EFCAB14: variants seen among roughly 807,000 people sequenced by gnomAD.
EFCAB14 encodes the protein EF-hand calcium binding domain 14, also known as EF-hand calcium-binding domain-containing protein 14.
In EFCAB14, 43 loss-of-function variants were observed where a neutral mutation model predicts 56.5. The observed-to-expected ratio is 0.76, with a 90% CI of 0.60 to 0.98. The LOEUF is 0.98. EFCAB14 is among the 50% of genes least tolerant of loss of function. The pLI is 0.00. For synonymous variants in EFCAB14, 235 were observed against 212.9 expected (o/e 1.10, Z -0.90); for missense variants, 538 against 580.3 (o/e 0.93, Z 0.75).
chr1:46,704,383 G>C (rs1440747409), intron 3 of EFCAB14, among the ~76,000 whole-genome samples: 1 of 151,014 alleles, frequency 6.6e-6, no homozygotes, highest in Admixed American at 6.6e-5. Flanking sequence ...ACTGAGGTGG[G>C]AGGATCACTC....
intron 10 of EFCAB14, 71 bp downstream of exon 10, chr1:46,683,229 A>C: frequency 2.0e-6 from 3 of 1,520,930 alleles, no homozygotes; most frequent in Non-Finnish European, 2.7e-6. Flanking sequence ...TATTTTTGAC[A>C]AGTGAAAATA....
At chr1:46,713,533 T>C (rs1677340745) in intron 2 of EFCAB14, among the ~76,000 whole-genome samples, 1 of 152,200 alleles carries the variant, frequency 6.6e-6, no homozygotes, top group South Asian at 2.1e-4. Flanking sequence ...TAGTACTTTA[T>C]TTGCATTCCC....
At chr1:46,705,530 C>G (rs967092965) in intron 3 of EFCAB14, among the ~76,000 whole-genome samples, 2 of 152,074 alleles carry the variant, frequency 1.3e-5, no homozygotes, top group African/African-American at 4.8e-5. Flanking sequence ...CAGGTACTCC[C>G]ACATCACAAA....
In EFCAB14 at chr1:46,708,030, G is replaced by A; in HGVS notation, c.356C>T (p.Ser119Leu). 1.9e-6 allele frequency: 3 copies of A among 1,611,864 alleles called. No individual in the cohort carries two copies. The highest frequency in any genetic ancestry group is 2.5e-6 in the Non-Finnish European group (3 of 1,179,526). The part of the protein sequence containing the change: ...FRTMESNQKS[S>L]FQEIPKLNEE... ...ATTAAGTTTGGGGATTTCTTGGAAT[G>A]AGCTTTTCTGATTAGATTCCACTAA... The change falls in exon 3 of 11, where the codon TCA (serine) becomes TTA (leucine). Residue 119 changes from serine (S) to leucine (L), a missense_variant. Transcript: ENST00000371933.
intron 3 of EFCAB14, among the ~76,000 whole-genome samples, chr1:46,698,571 A>G (rs1677108749): frequency 6.6e-6 from 1 of 152,202 alleles, no homozygotes; most frequent in Non-Finnish European, 1.5e-5. Flanking sequence ...TGAGATCTGA[A>G]TAGTAAGAAA....
intron 4 of EFCAB14, among the ~76,000 whole-genome samples, chr1:46,694,737 C>G (rs992978702): frequency 9.9e-5 from 15 of 152,080 alleles, no homozygotes; most frequent in African/African-American, 3.6e-4. Context: ...GGTATATACC[C>G]AAAGGATTAT....
chr1:46,688,565 G>A (rs1288866713), intron 6 of EFCAB14, 21 bp from the exon 7 acceptor site: 1 of 1,605,062 alleles, frequency 6.2e-7, no homozygotes, highest in Admixed American at 1.7e-5. Context: ...AATAAATAAA[G>A]TTATGGAATC....
chr1:46,696,158 G>C (rs1040533735), intron 4 of EFCAB14, among the ~76,000 whole-genome samples: 1 of 150,784 alleles, frequency 6.6e-6, no homozygotes, highest in African/African-American at 2.4e-5. Flanking sequence ...CAGAGATTTA[G>C]GGTAACTATC....
intron 2 of EFCAB14, among the ~76,000 whole-genome samples, chr1:46,711,944 C>A (rs1172799205): frequency 6.6e-6 from 1 of 152,202 alleles, no homozygotes; most frequent in African/African-American, 2.4e-5. Context: ...GGGAGCCAGG[C>A]ACGGTCACAG....
rs746783206 is a variant in EFCAB14, at chr1:46,718,098, G to T, written c.-11C>A. The T allele has an allele frequency of 1.9e-6, 3 of 1,612,498 alleles. No homozygotes were observed. Among genetic ancestry groups the T allele is most frequent in the Non-Finnish European group, 1.7e-6 (2 of 1,178,930 alleles). ...TTTGCGCTTTTTCATCTTTTTGTGT[G>T]GGGTGAGTGGAGCCCCGACTCCTGA... On this transcript the variant is annotated 5_prime_UTR_variant, in exon 1 of 11. Transcript: ENST00000371933.
Position 46,699,265 on chromosome 1 carries a change from AT to A in EFCAB14, c.481-2617del, listed in dbSNP as rs796925416. On this transcript the variant is annotated intron_variant, in intron 3 of 10. Transcript: ENST00000371933. ...TGACAGAGAAGTTAGAATTTTATAC[AT>A]AAAAACCAAGCAGGCATTCTTTCTA... Among the ~76,000 whole-genome samples the A allele has an allele frequency of 2.6e-3, 390 of 152,366 alleles. 3 individuals carry two copies. Among genetic ancestry groups the A allele is most frequent in the African/African-American group, 8.4e-3 (350 of 41,596 alleles).
chr1:46,703,607 T>G (rs1283633657), intron 3 of EFCAB14, among the ~76,000 whole-genome samples: 2 of 152,156 alleles, frequency 1.3e-5, no homozygotes, highest in African/African-American at 4.8e-5. Context: ...TCCCTGCACT[T>G]TGGAACAATA....
chr1:46,716,571 G>A, intron 1 of EFCAB14, 128 bp from the exon 2 acceptor site: 1 of 1,088,002 alleles, frequency 9.2e-7, no homozygotes, highest in South Asian at 1.6e-5. Context: ...AACCAGGGGA[G>A]GCAGGGTAAA....
intron 9 of EFCAB14, 146 bp downstream of exon 9, chr1:46,684,345 G>A (rs1569684647): frequency 1.6e-6 from 1 of 627,980 alleles, no homozygotes; most frequent in South Asian, 2.0e-5. Flanking sequence ...CTAAATGAAA[G>A]CAAAGTGTAT....
At chr1:46,693,304 T>C (rs189223706) in intron 4 of EFCAB14, among the ~76,000 whole-genome samples, 1 of 152,318 alleles carries the variant, frequency 6.6e-6, no homozygotes, top group Admixed American at 6.5e-5. Context: ...CAGTGCCACA[T>C]TAGTATTTTT....
chr1:46,697,104 C>A (rs1046280825), intron 3 of EFCAB14, among the ~76,000 whole-genome samples: 3 of 152,172 alleles, frequency 2.0e-5, no homozygotes, highest in African/African-American at 7.2e-5. Flanking sequence ...AAAGTAAAAG[C>A]CCATCTCACA....
intron 7 of EFCAB14, among the ~76,000 whole-genome samples, chr1:46,687,215 A>G (rs1203174024): frequency 1.3e-5 from 2 of 152,228 alleles, no homozygotes; most frequent in Non-Finnish European, 2.9e-5. Context: ...GGAGAAATAT[A>G]AAGTAGGGGG....
At chr1:46,682,103 C>T (rs368219967) in intron 10 of EFCAB14, 1 of 152,096 alleles carries the variant, frequency 6.6e-6, no homozygotes, top group South Asian at 2.1e-4. Flanking sequence ...TTCAGGAGTA[C>T]CAGGTACTGT....
chr1:46,707,842 T>C lies in EFCAB14; in HGVS notation c.480+64A>G, dbSNP rs1253299034. The stretch of plus-strand genomic sequence containing the variant: ...CCTATACCTACAATTCTCTATATCC[T>C]ATTCATACTAAACAACCAAACAAAT... On this transcript the variant is annotated intron_variant, in intron 3 of 10. Coordinates refer to ENST00000371933, the MANE Select transcript of EFCAB14 (RefSeq NM_014774.3). 2.6e-6 allele frequency: 4 copies of C among 1,521,880 alleles called. No individual in the cohort carries two copies. In the African/African-American group the frequency reaches 5.5e-5, roughly 21 times the overall value. The allele number at this position is 1,521,880 out of a possible 1,614,324, so 94.3% of individuals were successfully genotyped here.
Sources: allele counts gnomAD v4.1 joint callset (sites outside exome capture counted in the v4.1 genomes callset), GRCh38; gene constraint gnomAD v4.1.1; transcripts MANE v1.5; gene names NCBI Gene and HGNC (gene_info 2026-07-23, HGNC 2026-07-21).